PDLIM5: variants seen among roughly 807,000 people sequenced by gnomAD.
PDLIM5 encodes PDZ and LIM domain protein 5.
In PDLIM5, 34 loss-of-function variants were observed where a neutral mutation model predicts 64.2. That is an observed-to-expected ratio of 0.53 (90% CI 0.40 to 0.71). The LOEUF is 0.71. PDLIM5 is among the 30% of genes least tolerant of loss of function. The pLI is 0.00. For synonymous variants in PDLIM5, 253 were observed against 269.1 expected (o/e 0.94, Z 0.59); for missense variants, 683 against 733.6 (o/e 0.93, Z 0.80).
intron 9 of PDLIM5, among the ~76,000 whole-genome samples, chr4:94,644,259 C>A (rs1488371395): frequency 6.6e-6 from 1 of 152,066 alleles, no homozygotes; most frequent in Non-Finnish European, 1.5e-5. Flanking sequence ...AGAGAAGTTA[C>A]GTATTTGTTT....
At chr4:94,579,632 C>G in intron 5 of PDLIM5, 1 of 527,066 alleles carries the variant, frequency 1.9e-6, no homozygotes, top group South Asian at 3.6e-5. Context: ...TTAAATTTTG[C>G]AAAAGAGCTG....
intron 11 of PDLIM5, among the ~76,000 whole-genome samples, chr4:94,659,900 CT>C (rs11424534): frequency 4.8e-4 from 67 of 140,944 alleles, no homozygotes; most frequent in Admixed American, 8.5e-4. Context: ...AAAAATTACA[CT>C]TTTTTTTTTT....
chr4:94,533,206 G>A (rs562504989), intron 3 of PDLIM5, among the ~76,000 whole-genome samples: 191 of 152,282 alleles, frequency 1.3e-3, no homozygotes, highest in African/African-American at 4.2e-3. Context: ...GTCTGTGGCA[G>A]TTTGACAATA....
At chr4:94,492,579 T>C (rs188451674) in intron 2 of PDLIM5, among the ~76,000 whole-genome samples, 46 of 152,312 alleles carry the variant, frequency 3.0e-4, no homozygotes, top group Admixed American at 2.9e-3. Context: ...CAGTCTGTTT[T>C]CTGTCTTTAC....
chr4:94,541,238 A>G (rs982077983), intron 3 of PDLIM5, among the ~76,000 whole-genome samples: 19 of 152,246 alleles, frequency 1.2e-4, no homozygotes, highest in Middle Eastern at 3.4e-3. Context: ...GGAAAAAAAA[A>G]TGTCGTCCAT....
At chr4:94,544,782 A>G (rs1012625161) in intron 3 of PDLIM5, among the ~76,000 whole-genome samples, 5 of 152,190 alleles carry the variant, frequency 3.3e-5, no homozygotes, top group Non-Finnish European at 5.9e-5. Context: ...CAGCCTCCCG[A>G]GTAGCTGGAA....
At chr4:94,519,154 G>A (rs191669094) in intron 2 of PDLIM5, among the ~76,000 whole-genome samples, 1 of 152,296 alleles carries the variant, frequency 6.6e-6, no homozygotes, top group East Asian at 1.9e-4. Context: ...GGAAAGTTAG[G>A]CTTAGAGAAG....
chr4:94,478,964 A>G (rs1473519778), intron 2 of PDLIM5, among the ~76,000 whole-genome samples: 2 of 138,144 alleles, frequency 1.4e-5, no homozygotes, highest in Non-Finnish European at 3.0e-5. Context: ...CAGTGGCGCT[A>G]TCACAGCTCA....
Position 94,585,678 on chromosome 4 carries a change from C to G in PDLIM5, c.824C>G (p.Thr275Ser), listed in dbSNP as rs1252187376. ...IEDTEDWRPR[T>S]GTTQSRSFRI... ...GATACTGAAGACTGGCGTCCAAGGA[C>G]TGGAACAACTCAGTCTCGCTCTTTC... is the stretch of plus-strand genomic sequence containing the variant. Residue 275 changes from threonine to serine, a missense_variant, in exon 6 of 13, where the codon ACT (threonine) becomes AGT (serine). Thr to Ser is a moderately conservative substitution (Grantham distance 58, BLOSUM62 1). Coordinates refer to ENST00000317968, the MANE Select transcript of PDLIM5 (RefSeq NM_006457.5). 6.2e-7 allele frequency: 1 copy of G among 1,613,760 alleles called. No individual in the cohort carries two copies. Among genetic ancestry groups the G allele is most frequent in the Admixed American group, 1.7e-5 (1 of 60,002 alleles).
At chr4:94,517,560 T>C (rs1729471876) in intron 2 of PDLIM5, among the ~76,000 whole-genome samples, 1 of 152,232 alleles carries the variant, frequency 6.6e-6, no homozygotes, top group Non-Finnish European at 1.5e-5. Context: ...GTAACAGCAC[T>C]GTCAGAAAAA....
At chr4:94,659,644 C>T (rs1409586101) in intron 11 of PDLIM5, among the ~76,000 whole-genome samples, 1 of 152,008 alleles carries the variant, frequency 6.6e-6, no homozygotes, top group East Asian at 2.0e-4. Flanking sequence ...TCTCCTGCCT[C>T]AGCCTCCTGA....
intron 7 of PDLIM5, among the ~76,000 whole-genome samples, chr4:94,601,497 A>G (rs369828165): frequency 1.3e-5 from 2 of 152,164 alleles, no homozygotes; most frequent in South Asian, 2.1e-4. Flanking sequence ...TTGTTTGCCT[A>G]TCTTTTCCTT....
chr4:94,509,476 C>T (rs1319565508), intron 2 of PDLIM5, among the ~76,000 whole-genome samples: 1 of 152,106 alleles, frequency 6.6e-6, no homozygotes, highest in African/African-American at 2.4e-5. Context: ...CATATGATGC[C>T]ATGCCTACAA....
chr4:94,586,859 C>G, intron 7 of PDLIM5: 2 of 853,234 alleles, frequency 2.3e-6, no homozygotes, highest in Non-Finnish European at 3.5e-6. Context: ...CTTAATAAAA[C>G]AGCTATGTGA....
intron 12 of PDLIM5, among the ~76,000 whole-genome samples, chr4:94,663,121 G>A (rs917975864): frequency 6.6e-6 from 1 of 152,154 alleles, no homozygotes; most frequent in Non-Finnish European, 1.5e-5. Context: ...GTTTTTAAAT[G>A]TAGGAAGTAA....
At chr4:94,634,969 T>C (rs1285087182) in intron 8 of PDLIM5, among the ~76,000 whole-genome samples, 2 of 152,244 alleles carry the variant, frequency 1.3e-5, no homozygotes, top group African/African-American at 2.4e-5. Context: ...GGTATGTTGC[T>C]AGGTTTTCCA....
intron 2 of PDLIM5, among the ~76,000 whole-genome samples, chr4:94,507,490 G>C (rs1400582138): frequency 2.0e-5 from 3 of 152,132 alleles, no homozygotes; most frequent in Admixed American, 6.5e-5. Context: ...GTGAACCTGT[G>C]AGATCAAACA....
rs1732349788 is a variant in PDLIM5, at chr4:94,546,666, C to G, written c.248+22791C>G. ...TATTCATAGGAGTTCTTGATTTTCA[C>G]AATACCTCTTCTATAGCTTGAAGTA... On this transcript the variant is annotated intron_variant, in intron 3 of 12. Coordinates refer to ENST00000317968, the MANE Select transcript of PDLIM5 (RefSeq NM_006457.5). Among the ~76,000 whole-genome samples the G allele has an allele frequency of 2.0e-5, 3 of 152,166 alleles. 1 individual carries two copies. Among genetic ancestry groups the G allele is most frequent in the South Asian group, 4.1e-4 (2 of 4,820 alleles).
chr4:94,558,757 A>G (rs1258082763), intron 3 of PDLIM5, among the ~76,000 whole-genome samples: 1 of 152,000 alleles, frequency 6.6e-6, no homozygotes, highest in Non-Finnish European at 1.5e-5. Flanking sequence ...AGCTGAAATA[A>G]TAAATCAGTT....
Sources: gnomAD v4.1 joint callset for allele counts (sites outside exome capture counted in the v4.1 genomes callset) on GRCh38, gnomAD v4.1.1 for gene constraint, MANE v1.5 for transcripts, NCBI Gene and HGNC (gene_info 2026-07-23, HGNC 2026-07-21) for gene names.